Variants in MYO3A observed in about 807,000 individuals in gnomAD.
The protein encoded by MYO3A is myosin-IIIa.
In MYO3A, 180 loss-of-function variants were observed where a neutral mutation model predicts 192.7. The observed-to-expected ratio is 0.93, with a 90% CI of 0.83 to 1.06. MYO3A has a LOEUF of 1.06. Ranked by LOEUF, MYO3A falls within the 50% of genes least tolerant of loss-of-function variation. MYO3A has a pLI of 0.00. For synonymous variants in MYO3A, 628 were observed against 645.3 expected (o/e 0.97, Z 0.41); for missense variants, 1,896 against 1,905.0 (o/e 1.00, Z 0.09).
intron 6 of MYO3A, among the ~76,000 whole-genome samples, chr10:26,015,482 T>C (rs1017722260): frequency 6.6e-6 from 1 of 152,220 alleles, no homozygotes; most frequent in Non-Finnish European, 1.5e-5. Flanking sequence ...CTATCTTAGC[T>C]ATTTTTCTTG....
chr10:26,143,582 C>G lies in MYO3A; in HGVS notation c.2397C>G (p.Ala799=), dbSNP rs1355536348. ...ATGAAGAAAGTAGATTTCCCAAGGC[C>G]ACTGACCAGACTCTTGTAGGTGAGT... ...LLDEESRFPK[A]TDQTLVEKFE... The change falls in exon 21 of 35, where the codon GCC becomes GCG. Residue 799 remains alanine (A), a synonymous_variant. Coordinates refer to ENST00000642920, the MANE Select transcript of MYO3A (RefSeq NM_017433.5). 26 of 1,613,880 alleles carry G rather than the reference C, an allele frequency of 1.6e-5. No homozygotes were observed. The highest frequency in any genetic ancestry group is 2.7e-5 in the African/African-American group (2 of 74,910).
At chr10:26,062,420 G>A (rs1358520535) in intron 10 of MYO3A, among the ~76,000 whole-genome samples, 3 of 149,668 alleles carry the variant, frequency 2.0e-5, no homozygotes, top group African/African-American at 7.4e-5. Flanking sequence ...GGGAGGCTGA[G>A]GCAGGAGAAT....
chr10:26,194,373 G>C (rs918092989), intron 32 of MYO3A, among the ~76,000 whole-genome samples: 2 of 151,952 alleles, frequency 1.3e-5, no homozygotes, highest in African/African-American at 4.8e-5. Context: ...CCCTCTTCTT[G>C]TCCTCGAGCC....
intron 20 of MYO3A, among the ~76,000 whole-genome samples, chr10:26,130,843 A>C (rs1839492321): frequency 6.6e-6 from 1 of 152,196 alleles, no homozygotes; most frequent in Non-Finnish European, 1.5e-5. Context: ...TAACTGAGAA[A>C]AGCTAACTAA....
At chr10:26,140,024 T>G (rs1158308897) in intron 20 of MYO3A, among the ~76,000 whole-genome samples, 1 of 151,960 alleles carries the variant, frequency 6.6e-6, no homozygotes, top group Non-Finnish European at 1.5e-5. Flanking sequence ...CATGGTAGAG[T>G]GCATGGAGAG....
chr10:26,085,104 AT>A (rs1216367788), intron 14 of MYO3A, among the ~76,000 whole-genome samples: 1 of 151,882 alleles, frequency 6.6e-6, no homozygotes. Context: ...ACCTGTTGTA[AT>A]TTCTCTACTT....
At chr10:26,149,370 G>T (rs552385882) in intron 23 of MYO3A, among the ~76,000 whole-genome samples, 1 of 152,164 alleles carries the variant, frequency 6.6e-6, no homozygotes, top group East Asian at 1.9e-4. Flanking sequence ...GAGTAGCTGG[G>T]ATTACAGGCG....
At chr10:26,202,917 T>C in intron 33 of MYO3A, 47 bp from the exon 34 acceptor site, 1 of 1,603,808 alleles carries the variant, frequency 6.2e-7, no homozygotes, top group Non-Finnish European at 8.5e-7. Context: ...TTTAAGTGAG[T>C]AGAAAATTAG....
chr10:25,958,424 C>T (rs763005189), intron 4 of MYO3A, among the ~76,000 whole-genome samples: 5 of 151,950 alleles, frequency 3.3e-5, no homozygotes, highest in Non-Finnish European at 7.4e-5. Context: ...TATTTCTGGG[C>T]TCTCTGTTCT....
chr10:25,958,109 GTT>G (rs1375367001), intron 4 of MYO3A, among the ~76,000 whole-genome samples: 9 of 152,122 alleles, frequency 5.9e-5, no homozygotes, highest in African/African-American at 2.2e-4. Context: ...CATTGGTCAA[GTT>G]TTGCTTTTGT....
chr10:26,201,071 T>C (rs1298418875), intron 32 of MYO3A, 194 bp from the exon 33 acceptor site: 2 of 268,328 alleles, frequency 7.5e-6, no homozygotes, highest in African/African-American at 4.5e-5. Flanking sequence ...GTGGCAAAAA[T>C]AACCAGAAAT....
At chr10:25,997,935 G>A (rs944341909) in intron 6 of MYO3A, among the ~76,000 whole-genome samples, 1 of 152,178 alleles carries the variant, frequency 6.6e-6, no homozygotes, top group Non-Finnish European at 1.5e-5. Context: ...AAACTTTCTT[G>A]TGAGAATGGA....
At chr10:26,081,070 G>T (rs1835895601) in intron 14 of MYO3A, among the ~76,000 whole-genome samples, 2 of 150,652 alleles carry the variant, frequency 1.3e-5, no homozygotes, top group East Asian at 3.9e-4. Context: ...AGTATCAGCT[G>T]TGGTAGTATG....
At chr10:26,158,566 T>A (rs996748880) in intron 26 of MYO3A, among the ~76,000 whole-genome samples, 1 of 152,150 alleles carries the variant, frequency 6.6e-6, no homozygotes, top group African/African-American at 2.4e-5. Context: ...AGGAGTTCCT[T>A]TTAATATTTG....
At chr10:25,989,064 C>CCGTA (rs1839847666) in intron 4 of MYO3A, among the ~76,000 whole-genome samples, 1 of 150,988 alleles carries the variant, frequency 6.6e-6, no homozygotes, top group African/African-American at 2.4e-5. Context: ...CCTCAGCCTA[C>CCGTA]CAAGTAGCTG....
At chr10:25,995,795 G>C (rs1166087368) in intron 4 of MYO3A, among the ~76,000 whole-genome samples, 1 of 152,248 alleles carries the variant, frequency 6.6e-6, no homozygotes, top group Non-Finnish European at 1.5e-5. Context: ...CTGGGTATCA[G>C]CAGCGGAGGC....
intron 34 of MYO3A, among the ~76,000 whole-genome samples, chr10:26,204,907 T>C (rs190740295): frequency 5.4e-4 from 82 of 152,340 alleles, no homozygotes; most frequent in African/African-American, 1.9e-3. Context: ...AAAACAGCCT[T>C]GACAGTATCC....
intron 15 of MYO3A, among the ~76,000 whole-genome samples, chr10:26,091,402 G>C (rs146875884): frequency 1.3e-5 from 2 of 152,172 alleles, no homozygotes; most frequent in African/African-American, 4.8e-5. Context: ...TTTAAAAGAG[G>C]CTACTTAATT....
intron 5 of MYO3A, 22 bp downstream of exon 5, chr10:25,996,616 G>A: frequency 6.3e-7 from 1 of 1,574,916 alleles, no homozygotes; most frequent in East Asian, 2.2e-5. Flanking sequence ...TAAATTGTAT[G>A]TGCATTAATT....
Sources: allele counts gnomAD v4.1 joint callset (sites outside exome capture counted in the v4.1 genomes callset), GRCh38; gene constraint gnomAD v4.1.1; transcripts MANE v1.5; gene names NCBI Gene and HGNC (gene_info 2026-07-23, HGNC 2026-07-21).